GFRA2: variants seen among roughly 807,000 people sequenced by gnomAD.
GFRA2 encodes the protein GDNF family receptor alpha-2.
Under a neutral mutation model 48.3 loss-of-function variants are expected in GFRA2, and 17 were observed. The observed-to-expected ratio is 0.35, with a 90% CI of 0.24 to 0.53. GFRA2 has a LOEUF of 0.53. Ranked by LOEUF, GFRA2 falls within the 20% of genes least tolerant of loss-of-function variation. GFRA2 has a pLI of 0.93. For missense variants in GFRA2, 660 were observed against 637.3 expected (o/e 1.04, Z -0.38); for synonymous variants, 305 against 257.2 (o/e 1.19, Z -1.78).
intron 8 of GFRA2, 74 bp downstream of exon 8, chr8:21,694,390 G>C (rs767624781): frequency 3.5e-5 from 50 of 1,419,996 alleles, no homozygotes; most frequent in Non-Finnish European, 4.8e-5. Flanking sequence ...CGCTGGATCT[G>C]AGGCTCGCCG....
At chr8:21,759,938 CGAG>C (rs1202142625) in intron 3 of GFRA2, among the ~76,000 whole-genome samples, 1 of 151,074 alleles carries the variant, frequency 6.6e-6, no homozygotes, top group Non-Finnish European at 1.5e-5. Flanking sequence ...GGGGCCTTTC[CGAG>C]GAGGTGACAT....
intron 4 of GFRA2, among the ~76,000 whole-genome samples, chr8:21,709,537 G>A (rs1802910573): frequency 6.6e-6 from 1 of 152,228 alleles, no homozygotes; most frequent in Non-Finnish European, 1.5e-5. Context: ...GATGGGAATG[G>A]CAAGCGTGGA....
At chr8:21,717,429 A>T (rs1803388107) in intron 4 of GFRA2, among the ~76,000 whole-genome samples, 1 of 152,262 alleles carries the variant, frequency 6.6e-6, no homozygotes, top group South Asian at 2.1e-4. Flanking sequence ...TTACAAATGG[A>T]GAAAATGTTA....
At chr8:21,702,421 G>A (rs996879175) in intron 7 of GFRA2, among the ~76,000 whole-genome samples, 3 of 152,190 alleles carry the variant, frequency 2.0e-5, no homozygotes, top group Admixed American at 2.0e-4. Context: ...TGAGTCCCTG[G>A]TCAAGCCTGC....
At chr8:21,741,813 T>C (rs1395173732) in intron 4 of GFRA2, among the ~76,000 whole-genome samples, 1 of 151,496 alleles carries the variant, frequency 6.6e-6, no homozygotes, top group East Asian at 1.9e-4. Flanking sequence ...TCCCAGCTAC[T>C]CAGGAGGCTG....
At chr8:21,706,964 C>T (rs1802780452) in intron 4 of GFRA2, among the ~76,000 whole-genome samples, 1 of 152,222 alleles carries the variant, frequency 6.6e-6, no homozygotes, top group African/African-American at 2.4e-5. Flanking sequence ...TACCAACAGC[C>T]TGGGCTGGGG....
intron 3 of GFRA2, among the ~76,000 whole-genome samples, chr8:21,771,334 C>T (rs1806428868): frequency 6.6e-6 from 1 of 152,202 alleles, no homozygotes; most frequent in African/African-American, 2.4e-5. Flanking sequence ...AGAAACAGGA[C>T]AAAACTCACT....
chr8:21,781,071 CG>C (rs1460013403), intron 2 of GFRA2: 1 of 152,124 alleles, frequency 6.6e-6, no homozygotes. Context: ...GACCAGCCTG[CG>C]CAACCTAGTG....
chr8:21,726,430 C>T (rs553622258), intron 4 of GFRA2, among the ~76,000 whole-genome samples: 1 of 152,302 alleles, frequency 6.6e-6, no homozygotes, highest in East Asian at 1.9e-4. Context: ...AACAAATTAC[C>T]ACAAACTCAG....
chr8:21,725,437 G>A (rs796476664), intron 4 of GFRA2, among the ~76,000 whole-genome samples: 115 of 152,338 alleles, frequency 7.5e-4, no homozygotes, highest in African/African-American at 2.6e-3. Context: ...CCAGTATGCT[G>A]AGCCAGCCCA....
Position 21,702,804 on chromosome 8 carries a change from C to A in GFRA2, c.1218+1G>T. The A allele has an allele frequency of 6.2e-7, 1 of 1,601,800 alleles. No individual in the cohort carries two copies. Among genetic ancestry groups the A allele is most frequent in the Non-Finnish European group, 8.5e-7 (1 of 1,174,252 alleles). ...CCCACGCCTCAGCCACACACCCTCA[C>A]CTGGACAGACGTGCAGGTGGTGATG... On this transcript the variant is annotated splice_donor_variant, in intron 7 of 8. Transcript: ENST00000524240. LOFTEE classifies it high-confidence loss of function.
rs368091481 is a variant in GFRA2, at chr8:21,802,161, G to A, written c.-36+2856C>T. On this transcript the variant is annotated intron_variant, in intron 2 of 10. Transcript: ENST00000517328. ...TGCCCTCGCACATTACTCAGGAGAC[G>A]GGGCTCACCCCTGATTCTGCCACTT... Among the ~76,000 whole-genome samples the A allele has an allele frequency of 2.0e-3, 311 of 152,334 alleles. 1 individual carries two copies. The highest frequency in any genetic ancestry group is 6.9e-3 in the African/African-American group (287 of 41,578).
chr8:21,731,717 C>T (rs1488502484), intron 4 of GFRA2, among the ~76,000 whole-genome samples: 6 of 151,858 alleles, frequency 4.0e-5, no homozygotes, highest in South Asian at 4.2e-4. Context: ...AGAAAACCCG[C>T]GAAGGAGAAA....
At chr8:21,809,562 C>T (rs529180084) in intron 1 of GFRA2, among the ~76,000 whole-genome samples, 115 of 152,216 alleles carry the variant, frequency 7.6e-4, no homozygotes, top group Middle Eastern at 3.4e-3. Flanking sequence ...CTCCTGACCT[C>T]GTGATCCGCC....
intron 4 of GFRA2, among the ~76,000 whole-genome samples, chr8:21,706,857 T>C (rs1802774674): frequency 6.6e-6 from 1 of 152,196 alleles, no homozygotes; most frequent in African/African-American, 2.4e-5. Flanking sequence ...GACCTAGACA[T>C]GGAAGGTTCC....
At chr8:21,775,352 T>G (rs1386331626) in intron 2 of GFRA2, among the ~76,000 whole-genome samples, 1 of 152,142 alleles carries the variant, frequency 6.6e-6, no homozygotes, top group Non-Finnish European at 1.5e-5. Context: ...GCCAGCCCCC[T>G]TGGAAGGACT....
rs553868134 is a variant in GFRA2 at position 21,700,100 on chromosome 8, G to C, written c.1218+2705C>G. ...AGGTGGAGAGGAGTGGACAAGGAGA[G>C]ACGTCTTACTCAGAGGAACGGCCAA... On this transcript the variant is annotated intron_variant, in intron 7 of 8. Transcript: ENST00000524240. Among the ~76,000 whole-genome samples, 4 of 152,262 alleles carry C rather than the reference G, an allele frequency of 2.6e-5. No individual in the cohort carries two copies. The East Asian group carries it at 7.7e-4, about 29-fold the overall frequency.
chr8:21,731,355 G>T (rs57670783), intron 4 of GFRA2, among the ~76,000 whole-genome samples: 1 of 152,020 alleles, frequency 6.6e-6, no homozygotes, highest in African/African-American at 2.4e-5. Context: ...ATGTGGCCAC[G>T]TCATTTAGCA....
At chr8:21,719,558 G>A (rs147847301) in intron 4 of GFRA2, among the ~76,000 whole-genome samples, 3 of 152,284 alleles carry the variant, frequency 2.0e-5, no homozygotes, top group South Asian at 2.1e-4. Flanking sequence ...AGCAAACCCC[G>A]AGTCACTATA....
Sources: gnomAD v4.1 joint callset for allele counts (sites outside exome capture counted in the v4.1 genomes callset) on GRCh38, gnomAD v4.1.1 for gene constraint, MANE v1.5 for transcripts, NCBI Gene and HGNC (gene_info 2026-07-23, HGNC 2026-07-21) for gene names.